NSUN2: variants seen among roughly 807,000 people sequenced by gnomAD.
NSUN2 encodes the protein NOP2/Sun RNA methyltransferase 2, also known as RNA cytosine C(5)-methyltransferase NSUN2.
A neutral mutation model predicts 92.7 loss-of-function variants in NSUN2; 63 were observed. That is an observed-to-expected ratio of 0.68 (90% CI 0.56 to 0.84). The LOEUF (loss-of-function observed/expected upper bound fraction) is 0.84, where lower values mean the gene tolerates loss of function less well. Among genes scored for constraint, NSUN2 ranks in the 40% least tolerant of loss-of-function variants. The pLI is 0.00. For missense variants in NSUN2, 989 were observed against 964.9 expected, an observed-to-expected ratio of 1.02 and a Z score of -0.33; for synonymous variants, 356 against 348.3, an observed-to-expected ratio of 1.02 and a Z score of -0.25.
intron 18 of NSUN2, among the ~76,000 whole-genome samples, chr5:6,600,744 G>T (rs1333270022): frequency 6.6e-6 from 1 of 152,010 alleles, no homozygotes; most frequent in African/African-American, 2.4e-5. Flanking sequence ...GCAGAACCCA[G>T]GACCACTCAT....
At position 6,601,925 on chromosome 5, in the gene NSUN2, C is replaced by A. The variant is rs921395023; in HGVS notation, c.1997+536G>T. On this transcript the variant is annotated intron_variant, in intron 18 of 18. Transcript: ENST00000264670. The stretch of plus-strand genomic sequence containing the variant: ...TTTCTGTCCCGGCTTCCTCCTCTGG[C>A]AAGTGCTGCCAAAACCAGCACCTGC... Among the ~76,000 whole-genome samples, 9 of 152,316 alleles carry A rather than the reference C, an allele frequency of 5.9e-5. No homozygotes were observed. In the South Asian group the frequency reaches 1.9e-3, roughly 32 times the overall value.
chr5:6,628,535 TG>T (rs1737746920), intron 3 of NSUN2, among the ~76,000 whole-genome samples: 1 of 152,140 alleles, frequency 6.6e-6, no homozygotes, highest in South Asian at 2.1e-4. Flanking sequence ...TTCTAGAAAA[TG>T]TAATTTCAAA....
chr5:6,608,706 C>A (rs542209621), intron 12 of NSUN2, among the ~76,000 whole-genome samples: 2 of 152,206 alleles, frequency 1.3e-5, no homozygotes, highest in Admixed American at 6.5e-5. Context: ...ACCTAAAGCA[C>A]GCGTCTCTAA....
In NSUN2 at chr5:6,600,119, A is replaced by C; in HGVS notation, c.2111T>G (p.Leu704Arg). Residue 704 changes from leucine (L) to arginine (R), a missense_variant, in exon 19 of 19, where the codon CTG becomes CGG. Leu to Arg is a moderately radical substitution (Grantham distance 102). Transcript: ENST00000264670. The stretch of plus-strand genomic sequence containing the variant: ...CTTCTTCTTTTCTCCCAATACCTCC[A>C]GCCCCATCATCCTGAGATAATGAAG... Reference protein sequence around the residue: ...ERLHYLRMMGLEVLGEKKKEG... With the variant: ...ERLHYLRMMGREVLGEKKKEG... The C allele has an allele frequency of 6.2e-7, 1 of 1,614,170 alleles. No individual in the cohort carries two copies. Among genetic ancestry groups the C allele is most frequent in the Non-Finnish European group, 8.5e-7 (1 of 1,180,024 alleles).
Position 6,605,540 on chromosome 5 carries a change from C to G in NSUN2, c.1602-132G>C, listed in dbSNP as rs950662815. On this transcript the variant is annotated intron_variant, in intron 14 of 18. Coordinates refer to ENST00000264670, the MANE Select transcript of NSUN2 (RefSeq NM_017755.6). The stretch of plus-strand genomic sequence containing the variant: ...TGTGGTTCAAGGGCACTGGGCTCTG[C>G]TCTGGACTCCAGCTTCTAAACTTCA... 6.0e-6 allele frequency: 5 copies of G among 827,566 alleles called. No individual in the cohort carries two copies. In the East Asian group the frequency reaches 1.0e-4, roughly 17 times the overall value. 51.3% of individuals were successfully genotyped at this position (827,566 alleles called of 1,614,324 possible). A position where few individuals can be genotyped will look rare whatever the true frequency, so the allele number is the denominator to read the frequency against.
chr5:6,621,240 G>C (rs775520079), intron 6 of NSUN2: 7 of 152,150 alleles, frequency 4.6e-5, no homozygotes, highest in Non-Finnish European at 7.3e-5. Flanking sequence ...TTTCACATGG[G>C]ATGTCTAACA....
In NSUN2 at chr5:6,605,339, T is replaced by G. The variant is rs1249060675; in HGVS notation, c.1671A>C (p.Lys557Asn). 1.2e-6 allele frequency: 2 copies of G among 1,614,078 alleles called. No homozygotes were observed. The highest frequency in any genetic ancestry group is 1.7e-6 in the Non-Finnish European group (2 of 1,180,042). ...CCTTAGAAACCATGTAGAGCTGCCT[T>G]TTCTTCCCTTCTGTAGTCCGAGTTA... ...NLLTRTTEGKKRQLYMVSKEL... is the reference protein window; with the variant it reads ...NLLTRTTEGKNRQLYMVSKEL... Residue 557 changes from lysine (K) to asparagine (N), a missense_variant, in exon 15 of 19, where the codon AAA (lysine) becomes AAC (asparagine). Physicochemically the swap from Lys to Asn is moderately conservative, Grantham distance 94. Coordinates refer to ENST00000264670, the MANE Select transcript of NSUN2 (RefSeq NM_017755.6).
chr5:6,604,645 C>T lies in NSUN2; in HGVS notation c.1778G>A (p.Ser593Asn). 1 of 1,614,142 alleles carries T rather than the reference C, an allele frequency of 6.2e-7. No homozygotes were observed. The highest frequency in any genetic ancestry group is 1.1e-5 in the South Asian group (1 of 91,082). Residue 593 changes from serine (S) to asparagine (N), a missense_variant, in exon 16 of 19, where the codon AGC becomes AAC. Coordinates refer to ENST00000264670, the MANE Select transcript of NSUN2 (RefSeq NM_017755.6). Reference protein sequence around the residue: ...TGIKVWCRNNSGEEFDCAFRL... With the variant: ...TGIKVWCRNNNGEEFDCAFRL... ...GAAAGCACAGTCAAACTCTTCACCG[C>T]TGTTATTTCTACACCAGACTTTGAT...
chr5:6,606,581 G>A (rs1324359759), intron 14 of NSUN2, among the ~76,000 whole-genome samples: 3 of 151,742 alleles, frequency 2.0e-5, no homozygotes, highest in Non-Finnish European at 1.5e-5. Context: ...CACCGCGCCC[G>A]GTCCAGTTTT....
chr5:6,605,049 G>T, intron 15 of NSUN2: 1 of 634,500 alleles, frequency 1.6e-6, no homozygotes, highest in Non-Finnish European at 2.7e-6. Flanking sequence ...CGGGAATGGG[G>T]CACAGAAAAG....
chr5:6,608,709 G>A (rs149051745), intron 12 of NSUN2, among the ~76,000 whole-genome samples: 215 of 152,318 alleles, frequency 1.4e-3, no homozygotes, highest in East Asian at 0.012. Context: ...TAAAGCACGC[G>A]TCTCTAAGAC....
Position 6,620,214 on chromosome 5 carries a change from A to T in NSUN2, c.707T>A (p.Ile236Asn). ...GGAGGCATCATGGTTGACCACCATG[A>T]TGCAGGGGCTGCTCAGCCTCTTGGC... ...HQAKRLSSPC[I>N]MVVNHDASSI... The change falls in exon 7 of 19, where the codon ATC (isoleucine) becomes AAC (asparagine). Residue 236 changes from isoleucine to asparagine, a missense_variant. Coordinates refer to ENST00000264670, the MANE Select transcript of NSUN2 (RefSeq NM_017755.6). The T allele has an allele frequency of 6.2e-7, 1 of 1,613,368 alleles. No homozygotes were observed. Among genetic ancestry groups the T allele is most frequent in the Non-Finnish European group, 8.5e-7 (1 of 1,179,768 alleles).
rs879044200 is a variant in NSUN2, at chr5:6,607,010, T to C, written c.1509-98A>G. 7 of 892,314 alleles carry C rather than the reference T, an allele frequency of 7.8e-6. 1 individual carries two copies. The South Asian group carries it at 7.9e-5, about 10-fold the overall frequency. 55.3% of individuals were successfully genotyped at this position (892,314 alleles called of 1,614,324 possible). A position where few individuals can be genotyped will look rare whatever the true frequency, so the allele number is the denominator to read the frequency against. The stretch of plus-strand genomic sequence containing the variant: ...TCCTTTCTGTCAGTTCTGTGCAACA[T>C]GGAACGGTTTGCGGCAGATGTTGAA... On this transcript the variant is annotated intron_variant, in intron 13 of 18. Coordinates refer to ENST00000264670, the MANE Select transcript of NSUN2 (RefSeq NM_017755.6).
At chr5:6,624,847 G>T (rs561064420) in intron 4 of NSUN2, among the ~76,000 whole-genome samples, 1 of 152,244 alleles carries the variant, frequency 6.6e-6, no homozygotes, top group African/African-American at 2.4e-5. Flanking sequence ...TTTTAAATGT[G>T]AGACTAAGAA....
Position 6,601,831 on chromosome 5 carries a change from G to A in NSUN2, c.1997+630C>T, listed in dbSNP as rs77362694. Among the ~76,000 whole-genome samples the A allele has an allele frequency of 4.0e-4, 61 of 152,214 alleles. No homozygotes were observed. In the East Asian group the frequency reaches 7.7e-3, roughly 19 times the overall value. ...AAATGGTGTTGCATGTCACCAAGACGGAGCTGTTGCAGGTGAGATCCGAAT... is the reference window on the plus strand; with the variant it reads ...AAATGGTGTTGCATGTCACCAAGACAGAGCTGTTGCAGGTGAGATCCGAAT... On this transcript the variant is annotated intron_variant, in intron 18 of 18. Transcript: ENST00000264670.
At position 6,618,127 on chromosome 5, in the gene NSUN2, A is replaced by G. The variant is rs1737290984; in HGVS notation, c.816-103T>C. The G allele has an allele frequency of 1.1e-5, 8 of 729,010 alleles. No homozygotes were observed. In the South Asian group the frequency reaches 1.4e-4, roughly 13 times the overall value. 45.2% of individuals were successfully genotyped at this position (729,010 alleles called of 1,614,324 possible). ...CTAAGTTACAAAACAAGTGTTACAA[A>G]TATCAGTTAGGAAACAATCTCCATT... On this transcript the variant is annotated intron_variant, in intron 7 of 18. Transcript: ENST00000264670.
chr5:6,631,235 C>A (rs1309539663), intron 3 of NSUN2, among the ~76,000 whole-genome samples: 1 of 152,186 alleles, frequency 6.6e-6, no homozygotes, highest in Non-Finnish European at 1.5e-5. Flanking sequence ...CTCCGGAGTT[C>A]TCCAAGCATC....
Position 6,601,630 on chromosome 5 carries a change from C to T in NSUN2, c.1997+831G>A, listed in dbSNP as rs1467076438. Among the ~76,000 whole-genome samples, 7 of 152,150 alleles carry T rather than the reference C, an allele frequency of 4.6e-5. No individual in the cohort carries two copies. In the East Asian group the frequency reaches 7.8e-4, roughly 17 times the overall value. On this transcript the variant is annotated intron_variant, in intron 18 of 18. Transcript: ENST00000264670. ...TCCTCCTTCCCTACTTGGCTGGGCC[C>T]GCCCCGACCCCCAGCTTGCACCTGC...
At chr5:6,630,938 A>G (rs1737859852) in intron 3 of NSUN2, among the ~76,000 whole-genome samples, 1 of 152,030 alleles carries the variant, frequency 6.6e-6, no homozygotes, top group South Asian at 2.1e-4. Flanking sequence ...CTAAAAATAC[A>G]AAAAAATTGG....
Sources: gnomAD v4.1 joint callset for allele counts (sites outside exome capture counted in the v4.1 genomes callset) on GRCh38, gnomAD v4.1.1 for gene constraint, MANE v1.5 for transcripts, NCBI Gene and HGNC (gene_info 2026-07-23, HGNC 2026-07-21) for gene names.